Variants in DOCK4 observed in about 807,000 individuals in gnomAD.
The protein encoded by DOCK4 is dedicator of cytokinesis protein 4.
DOCK4 carries 97 observed loss-of-function variants against 268.1 expected under a neutral mutation model. That is an observed-to-expected ratio of 0.36 (90% CI 0.31 to 0.43). DOCK4 has a LOEUF of 0.43. Among genes scored for constraint, DOCK4 ranks in the 20% least tolerant of loss-of-function variants. The pLI is 1.00. For synonymous variants in DOCK4, 954 were observed against 887.2 expected (o/e 1.08, Z -1.34); for missense variants, 2,145 against 2,455.7 (o/e 0.87, Z 2.67).
intron 16 of DOCK4, among the ~76,000 whole-genome samples, chr7:111,877,637 C>T (rs1238088611): frequency 1.3e-5 from 2 of 152,132 alleles, no homozygotes; most frequent in African/African-American, 4.8e-5. Context: ...TAAACACTCC[C>T]TTACTTTGAA....
At chr7:111,932,118 G>A (rs1794251144) in intron 12 of DOCK4, among the ~76,000 whole-genome samples, 1 of 152,154 alleles carries the variant, frequency 6.6e-6, no homozygotes, top group African/African-American at 2.4e-5. Context: ...AGGCAATTGG[G>A]TATGACCTCA....
At position 111,738,922 on chromosome 7, in the gene DOCK4, C is replaced by T. The variant is rs186739002; in HGVS notation, c.5232+212G>A. Among the ~76,000 whole-genome samples the T allele has an allele frequency of 8.6e-5, 13 of 150,760 alleles. No individual in the cohort carries two copies. The East Asian group carries it at 1.8e-3, about 20-fold the overall frequency. On this transcript the variant is annotated intron_variant, in intron 49 of 52. Coordinates refer to ENST00000428084, the MANE Select transcript of DOCK4 (RefSeq NM_001363540.2). ...CACTGCACTCTAGCCTGGGTGACAGCGAGATCCTGTCTCAAAGAAAAAAAA... is the reference window on the plus strand; with the variant it reads ...CACTGCACTCTAGCCTGGGTGACAGTGAGATCCTGTCTCAAAGAAAAAAAA...
intron 4 of DOCK4, 44 bp downstream of exon 4, chr7:111,998,404 G>C (rs1308247632): frequency 1.4e-6 from 2 of 1,433,616 alleles, no homozygotes. Context: ...AGAAGCAAAG[G>C]CTCTGTGAAA....
intron 1 of DOCK4, among the ~76,000 whole-genome samples, chr7:112,183,117 C>T (rs932834704): frequency 7.2e-5 from 11 of 152,190 alleles, no homozygotes; most frequent in Non-Finnish European, 1.3e-4. Context: ...TCTCTACAGA[C>T]GGAAGATGTC....
At chr7:112,035,627 ACT>A (rs1406377397) in intron 1 of DOCK4, among the ~76,000 whole-genome samples, 1 of 152,166 alleles carries the variant, frequency 6.6e-6, no homozygotes, top group Non-Finnish European at 1.5e-5. Flanking sequence ...AGAGAATCAC[ACT>A]GAGTGCAGCA....
intron 17 of DOCK4, among the ~76,000 whole-genome samples, chr7:111,875,074 C>G (rs970538960): frequency 6.6e-6 from 1 of 152,150 alleles, no homozygotes; most frequent in African/African-American, 2.4e-5. Context: ...AACTAACTTC[C>G]TTCCTCCTTC....
intron 26 of DOCK4, among the ~76,000 whole-genome samples, chr7:111,829,121 C>T (rs552242797): frequency 4.5e-4 from 69 of 151,942 alleles, no homozygotes; most frequent in Non-Finnish European, 7.2e-4. Flanking sequence ...TGTACTTTAC[C>T]TATTTACTTT....
At chr7:112,009,816 T>A (rs142568956) in intron 1 of DOCK4, among the ~76,000 whole-genome samples, 104 of 152,298 alleles carry the variant, frequency 6.8e-4, no homozygotes, top group East Asian at 1.4e-3. Flanking sequence ...TTCTTTTTTT[T>A]AAAATTGTTT....
At chr7:112,112,780 C>A (rs1200253635) in intron 1 of DOCK4, among the ~76,000 whole-genome samples, 2 of 152,166 alleles carry the variant, frequency 1.3e-5, no homozygotes, top group Non-Finnish European at 2.9e-5. Flanking sequence ...GTGGCTCACA[C>A]AAGAGGCCTC....
chr7:111,857,652 G>A (rs1805121575), intron 23 of DOCK4, among the ~76,000 whole-genome samples: 1 of 152,146 alleles, frequency 6.6e-6, no homozygotes, highest in Non-Finnish European at 1.5e-5. Flanking sequence ...CCAAGCAATG[G>A]TGACAAACGC....
chr7:112,069,748 T>C (rs914213020), intron 1 of DOCK4, among the ~76,000 whole-genome samples: 23 of 151,708 alleles, frequency 1.5e-4, no homozygotes, highest in African/African-American at 4.1e-4. Flanking sequence ...CGGTAGAAAA[T>C]AGAAAATGTC....
chr7:112,078,855 G>C (rs1247365700), intron 1 of DOCK4, among the ~76,000 whole-genome samples: 1 of 152,158 alleles, frequency 6.6e-6, no homozygotes, highest in African/African-American at 2.4e-5. Context: ...GCCGGGTGCG[G>C]TGGCTCACAC....
At chr7:112,178,374 A>G (rs1818705344) in intron 1 of DOCK4, among the ~76,000 whole-genome samples, 2 of 152,180 alleles carry the variant, frequency 1.3e-5, no homozygotes, top group African/African-American at 4.8e-5. Flanking sequence ...AGAGGTAAGG[A>G]GAAAAAAAGA....
At chr7:111,923,929 A>G (rs1187048000) in intron 12 of DOCK4, among the ~76,000 whole-genome samples, 1 of 152,224 alleles carries the variant, frequency 6.6e-6, no homozygotes, top group East Asian at 1.9e-4. Flanking sequence ...ACATTTTTTA[A>G]AAGAATTTTA....
chr7:112,066,717 A>ATG (rs1563052433), intron 1 of DOCK4, among the ~76,000 whole-genome samples: 2 of 88,828 alleles, frequency 2.3e-5, no homozygotes, highest in Non-Finnish European at 4.5e-5. Context: ...ATATATATAT[A>ATG]TATATATATA....
chr7:111,756,289 C>A (rs1031391183), intron 41 of DOCK4, among the ~76,000 whole-genome samples: 1 of 152,150 alleles, frequency 6.6e-6, no homozygotes, highest in Admixed American at 6.5e-5. Context: ...GTGGAGCTTG[C>A]AGTAAGCCGA....
chr7:111,735,381 C>A lies in DOCK4; in HGVS notation c.5306-214G>T, dbSNP rs549339124. Among the ~76,000 whole-genome samples, 32 of 152,308 alleles carry A rather than the reference C, an allele frequency of 2.1e-4. 1 individual carries two copies. In the South Asian group the frequency reaches 6.6e-3, roughly 32 times the overall value. On this transcript the variant is annotated intron_variant, in intron 50 of 52. Coordinates refer to ENST00000428084, the MANE Select transcript of DOCK4 (RefSeq NM_001363540.2). ...GGCGCTAACAAGTCTCTTTATTTCC[C>A]TTAATGCTGTCAAAGGGAACTACAA...
intron 1 of DOCK4, among the ~76,000 whole-genome samples, chr7:112,044,823 ACAC>A (rs759711358): frequency 6.6e-5 from 10 of 152,012 alleles, no homozygotes; most frequent in Non-Finnish European, 1.0e-4. Context: ...GAACCATCTC[ACAC>A]CACCACAACT....
At chr7:111,835,840 A>G (rs1196142322) in intron 25 of DOCK4, among the ~76,000 whole-genome samples, 1 of 152,200 alleles carries the variant, frequency 6.6e-6, no homozygotes, top group South Asian at 2.1e-4. Flanking sequence ...CAAGGATGCT[A>G]TAATACTTAA....
Sources: allele counts gnomAD v4.1 joint callset (sites outside exome capture counted in the v4.1 genomes callset), GRCh38; gene constraint gnomAD v4.1.1; transcripts MANE v1.5; gene names NCBI Gene and HGNC (gene_info 2026-07-23, HGNC 2026-07-21).